Variants in GFRA1 observed in about 807,000 individuals in gnomAD.
GFRA1 encodes GDNF family receptor alpha 1.
Under a neutral mutation model 51.6 loss-of-function variants are expected in GFRA1, and 16 were observed. The ratio of observed to expected loss-of-function variants is 0.31; its 90% CI spans 0.21 to 0.47. The LOEUF (loss-of-function observed/expected upper bound fraction) is 0.47, where lower values mean the gene tolerates loss of function less well. GFRA1 is among the 20% of genes least tolerant of loss of function. The pLI, the probability that GFRA1 is intolerant of heterozygous loss-of-function variation, is 1.00. For missense variants in GFRA1, 530 were observed against 594.3 expected, an observed-to-expected ratio of 0.89 and a Z score of 1.13; for synonymous variants, 270 against 241.3, an observed-to-expected ratio of 1.12 and a Z score of -1.10.
At chr10:116,079,129 A>C (rs1012796532) in intron 9 of GFRA1, among the ~76,000 whole-genome samples, 1 of 152,046 alleles carries the variant, frequency 6.6e-6, no homozygotes, top group Non-Finnish European at 1.5e-5. Flanking sequence ...GAGACACCAG[A>C]GGTCTCTCTC....
chr10:116,237,948 C>T (rs557927416), intron 4 of GFRA1, among the ~76,000 whole-genome samples: 1 of 152,306 alleles, frequency 6.6e-6, no homozygotes, highest in African/African-American at 2.4e-5. Context: ...AGCTGAGCAT[C>T]AGCGCTGATT....
At position 116,066,324 on chromosome 10, in the gene GFRA1, G is replaced by A. The variant is rs112582484; in HGVS notation, c.1198-698C>T. Among the ~76,000 whole-genome samples, 129 of 152,180 alleles carry A rather than the reference G, an allele frequency of 8.5e-4. 1 individual carries two copies. Among genetic ancestry groups the A allele is most frequent in the African/African-American group, 2.9e-3 (120 of 41,492 alleles). On this transcript the variant is annotated intron_variant, in intron 9 of 10. Transcript: ENST00000355422. ...AATCCGGGGCTAAGGCACAGGACAG[G>A]GACCCTTTCAGATGGGCATCCTCAA...
rs549003436 is a variant in GFRA1, at chr10:116,206,853, C to T, written c.433+4778G>A. ...TTCACCGTGCTAGCCAGAATGGTCT[C>T]GATCTCCTGACCTCGTGATCCACCC... On this transcript the variant is annotated intron_variant, in intron 5 of 10. Transcript: ENST00000355422. Among the ~76,000 whole-genome samples, 387 of 151,842 alleles carry T rather than the reference C, an allele frequency of 2.5e-3. 2 individuals are homozygous for T. Among genetic ancestry groups the T allele is most frequent in the African/African-American group, 6.6e-3 (274 of 41,394 alleles).
intron 5 of GFRA1, among the ~76,000 whole-genome samples, chr10:116,203,356 C>G (rs1342065222): frequency 6.6e-6 from 1 of 152,192 alleles, no homozygotes; most frequent in African/African-American, 2.4e-5. Flanking sequence ...AAGCAGCCCC[C>G]ACTCTCTGAC....
chr10:116,253,584 G>T (rs1422475535), intron 4 of GFRA1, among the ~76,000 whole-genome samples: 1 of 151,382 alleles, frequency 6.6e-6, no homozygotes, highest in Admixed American at 6.6e-5. Context: ...CTGCAGCCTG[G>T]GTGAGAGAGT....
In GFRA1 at chr10:116,125,596, C is replaced by T. The variant is rs7914438; in HGVS notation, c.434-39G>A. 6 of 1,477,022 alleles carry T rather than the reference C, an allele frequency of 4.1e-6. No individual in the cohort carries two copies. In the African/African-American group the frequency reaches 4.1e-5, roughly 10 times the overall value. 91.5% of individuals were successfully genotyped at this position (1,477,022 alleles called of 1,614,324 possible). On this transcript the variant is annotated intron_variant, in intron 5 of 10. Transcript: ENST00000355422. ...GAAAGACAGGCATGGTCACAGTGCT[C>T]GGCTCTGTGTTCTCACCTACTCTGT...
At chr10:116,123,932 A>C (rs962280318) in intron 6 of GFRA1, among the ~76,000 whole-genome samples, 1 of 152,186 alleles carries the variant, frequency 6.6e-6, no homozygotes, top group Non-Finnish European at 1.5e-5. Context: ...GTTTTGAGAC[A>C]GGGTCTCACT....
At chr10:116,066,703 A>G (rs1393972241) in intron 9 of GFRA1, among the ~76,000 whole-genome samples, 1 of 152,226 alleles carries the variant, frequency 6.6e-6, no homozygotes, top group Admixed American at 6.5e-5. Flanking sequence ...TACCTCCTGC[A>G]TCACAGTGGT....
At chr10:116,065,654 C>G in intron 9 of GFRA1, 28 bp from the exon 10 acceptor site, 1 of 1,592,474 alleles carries the variant, frequency 6.3e-7, no homozygotes, top group African/African-American at 1.3e-5. Context: ...AAAAAATGCT[C>G]AAACATAATA....
chr10:116,274,558 C>T (rs944824394), upstream of GFRA1, among the ~76,000 whole-genome samples: 3 of 152,164 alleles, frequency 2.0e-5, no homozygotes, highest in Non-Finnish European at 4.4e-5. Flanking sequence ...GCGCGCCCCT[C>T]GGCTGCAGCG....
chr10:116,157,960 C>T (rs556589631), intron 5 of GFRA1, among the ~76,000 whole-genome samples: 3 of 152,174 alleles, frequency 2.0e-5, no homozygotes, highest in African/African-American at 4.8e-5. Flanking sequence ...CGTGAACACA[C>T]AAAAGTCCTC....
rs1954820988 is a variant in GFRA1 at position 116,061,604 on chromosome 10, G to C, written c.*2794C>G. The stretch of plus-strand genomic sequence containing the variant: ...GGCTAGATGTAATCAGGGAGTCACG[G>C]TCTGCATGGACCCTAGTTACTGTTT... On this transcript the variant is annotated 3_prime_UTR_variant, in exon 11 of 11. Coordinates refer to ENST00000355422, the MANE Select transcript of GFRA1 (RefSeq NM_005264.8). 1 of 167,462 alleles carries C rather than the reference G, an allele frequency of 6.0e-6. No homozygotes were observed. The highest frequency in any genetic ancestry group is 2.4e-5 in the African/African-American group (1 of 42,196). The allele number at this position is 167,462 out of a possible 1,614,324, so 10.4% of individuals were successfully genotyped here.
Position 116,062,292 on chromosome 10 carries a change from C to T in GFRA1, c.*2106G>A, listed in dbSNP as rs751166980. 51 of 395,418 alleles carry T rather than the reference C, an allele frequency of 1.3e-4. No individual in the cohort carries two copies. Among genetic ancestry groups the T allele is most frequent in the African/African-American group, 1.9e-4 (9 of 48,562 alleles). The allele number at this position is 395,418 out of a possible 1,614,324, so 24.5% of individuals were successfully genotyped here. On this transcript the variant is annotated 3_prime_UTR_variant, in exon 11 of 11. Transcript: ENST00000355422. The stretch of plus-strand genomic sequence containing the variant: ...CAAAATACACTCTGTAAGAGATATG[C>T]GCTCATAGATAACTGGCATTCCAAA...
intron 6 of GFRA1, among the ~76,000 whole-genome samples, chr10:116,120,192 C>T (rs1271552729): frequency 6.6e-6 from 1 of 152,202 alleles, no homozygotes; most frequent in African/African-American, 2.4e-5. Flanking sequence ...ACCTTGGGGA[C>T]TGAGGACATA....
chr10:116,105,544 CA>C (rs1956974297), intron 6 of GFRA1, among the ~76,000 whole-genome samples: 1 of 152,176 alleles, frequency 6.6e-6, no homozygotes, highest in African/African-American at 2.4e-5. Context: ...TATTTACGCA[CA>C]CCCTGTCTTC....
At chr10:116,224,234 C>T (rs1966122577) in intron 4 of GFRA1, among the ~76,000 whole-genome samples, 1 of 152,202 alleles carries the variant, frequency 6.6e-6, no homozygotes, top group African/African-American at 2.4e-5. Flanking sequence ...AGCACATACA[C>T]TGCTGATGGG....
At chr10:116,174,094 G>A (rs1961335882) in intron 5 of GFRA1, among the ~76,000 whole-genome samples, 1 of 151,554 alleles carries the variant, frequency 6.6e-6, no homozygotes. Context: ...AAAAAAGTCA[G>A]TCAGTGGCTA....
At position 116,064,237 on chromosome 10, in the gene GFRA1, C is replaced by A. The variant is rs1419100098; in HGVS notation, c.*161G>T. 5 of 649,826 alleles carry A rather than the reference C, an allele frequency of 7.7e-6. No individual in the cohort carries two copies. The highest frequency in any genetic ancestry group is 1.3e-5 in the Non-Finnish European group (5 of 375,570). The allele number at this position is 649,826 out of a possible 1,614,324, so 40.3% of individuals were successfully genotyped here. ...TTTTCACAGAAGCCCCAAAGGATCA[C>A]AAGAAGCTTTCTTAAAAGGAAAAAA... On this transcript the variant is annotated 3_prime_UTR_variant, in exon 11 of 11. Coordinates refer to ENST00000355422, the MANE Select transcript of GFRA1 (RefSeq NM_005264.8).
At chr10:116,131,457 A>G (rs894943587) in intron 5 of GFRA1, among the ~76,000 whole-genome samples, 2 of 152,202 alleles carry the variant, frequency 1.3e-5, no homozygotes, top group African/African-American at 4.8e-5. Context: ...TTGAACAAGA[A>G]TATTATACCA....
Sources: allele counts gnomAD v4.1 joint callset (sites outside exome capture counted in the v4.1 genomes callset), GRCh38; gene constraint gnomAD v4.1.1; transcripts MANE v1.5; gene names NCBI Gene and HGNC (gene_info 2026-07-23, HGNC 2026-07-21).